The following PTPRT variants were observed in gnomAD, a reference collection of about 807,000 sequenced individuals.
PTPRT encodes receptor-type tyrosine-protein phosphatase T.
Under a neutral mutation model 176.8 loss-of-function variants are expected in PTPRT, and 56 were observed. That is an observed-to-expected ratio of 0.32 (90% CI 0.26 to 0.40). The LOEUF (loss-of-function observed/expected upper bound fraction) is 0.40, where lower values mean the gene tolerates loss of function less well. Ranked by LOEUF, PTPRT falls within the 10% of genes least tolerant of loss-of-function variation. PTPRT has a pLI of 1.00. For missense variants in PTPRT, 1,540 were observed against 1,908.2 expected (o/e 0.81, Z 3.60); for synonymous variants, 783 against 739.0 (o/e 1.06, Z -0.96).
chr20:42,883,885 A>C (rs75733527), intron 2 of PTPRT, among the ~76,000 whole-genome samples: 2,104 of 14,582 alleles, frequency 0.14, no homozygotes, highest in African/African-American at 0.16. Context: ...CACATACACC[A>C]ATACACCCCC....
intron 1 of PTPRT, among the ~76,000 whole-genome samples, chr20:42,993,223 C>A (rs1984021145): frequency 6.6e-6 from 1 of 151,558 alleles, no homozygotes; most frequent in Admixed American, 6.6e-5. Flanking sequence ...CTGAGACCAG[C>A]CTGGCTAACA....
At chr20:43,105,021 T>C (rs750568016) in intron 1 of PTPRT, among the ~76,000 whole-genome samples, 1 of 152,108 alleles carries the variant, frequency 6.6e-6, no homozygotes, top group Non-Finnish European at 1.5e-5. Context: ...AAGGTCCTCT[T>C]ACCAAGAAGA....
At chr20:42,033,412 T>C in the PTPRT span, among the ~76,000 whole-genome samples, 1 of 152,198 alleles carries the variant, frequency 6.6e-6, no homozygotes, top group Non-Finnish European at 1.5e-5. Flanking sequence ...AGGGGCTTAC[T>C]GAAGACTTAC....
At chr20:43,072,610 T>C (rs2011196074) in intron 1 of PTPRT, among the ~76,000 whole-genome samples, 2 of 152,238 alleles carry the variant, frequency 1.3e-5, no homozygotes, top group Non-Finnish European at 2.9e-5. Flanking sequence ...AAATTACCCA[T>C]GTAGAAAATT....
rs542352935 is a variant in PTPRT at position 42,890,167 on chromosome 20, C to A, written c.89-4235G>T. Among the ~76,000 whole-genome samples the A allele has an allele frequency of 3.9e-5, 6 of 152,332 alleles. No homozygotes were observed. In the South Asian group the frequency reaches 1.0e-3, roughly 26 times the overall value. ...ATAAATTGATAGCATCACCTAAACA[C>A]ACAATTCAGTAAAAGCTCATTGGGG... On this transcript the variant is annotated intron_variant, in intron 1 of 30. Coordinates refer to ENST00000373187, the MANE Select transcript of PTPRT (RefSeq NM_007050.6).
the PTPRT span, among the ~76,000 whole-genome samples, chr20:42,061,942 A>ATTTTACCTTT: frequency 1.6e-3 from 240 of 152,304 alleles, no homozygotes; most frequent in African/African-American, 5.5e-3. Context: ...ATGCATGTTA[A>ATTTTACCTTT]TTTTACCTTT....
intron 1 of PTPRT, among the ~76,000 whole-genome samples, chr20:42,963,079 A>G (rs1008938940): frequency 6.6e-6 from 1 of 152,176 alleles, no homozygotes; most frequent in Admixed American, 6.5e-5. Flanking sequence ...AGGCACCTGT[A>G]GTTCCAGCTA....
chr20:42,372,418 G>T (rs2058598469), intron 9 of PTPRT, among the ~76,000 whole-genome samples: 1 of 151,576 alleles, frequency 6.6e-6, no homozygotes, highest in South Asian at 2.1e-4. Context: ...TAAGTAGCTG[G>T]GACTATAGGC....
chr20:42,361,157 G>T (rs1414176337), intron 9 of PTPRT, among the ~76,000 whole-genome samples: 5 of 152,112 alleles, frequency 3.3e-5, no homozygotes, highest in African/African-American at 1.2e-4. Flanking sequence ...TTTGTAGAGG[G>T]TCTGTCTGAG....
intron 15 of PTPRT, among the ~76,000 whole-genome samples, chr20:42,232,385 G>A (rs937897885): frequency 1.1e-4 from 17 of 152,156 alleles, no homozygotes; most frequent in East Asian, 3.9e-4. Context: ...AATCACCTGC[G>A]ACCTTGTTAC....
intron 1 of PTPRT, among the ~76,000 whole-genome samples, chr20:42,925,750 T>C (rs1178454083): frequency 6.6e-6 from 1 of 152,162 alleles, no homozygotes; most frequent in Admixed American, 6.5e-5. Context: ...AATCTGCATG[T>C]CTAGCAAGTT....
intron 7 of PTPRT, among the ~76,000 whole-genome samples, chr20:42,579,912 A>G (rs192036657): frequency 0.013 from 1,913 of 152,194 alleles, 41 homozygotes; most frequent in African/African-American, 0.044. Context: ...GTTTAATTAG[A>G]TCCCATTTCT....
chr20:42,967,958 A>G (rs1982398912), intron 1 of PTPRT, among the ~76,000 whole-genome samples: 1 of 152,092 alleles, frequency 6.6e-6, no homozygotes, highest in South Asian at 2.1e-4. Context: ...GTGCTTGTGA[A>G]TTCCTACCAC....
At chr20:42,529,319 C>T (rs546984201) in intron 7 of PTPRT, among the ~76,000 whole-genome samples, 1 of 152,022 alleles carries the variant, frequency 6.6e-6, no homozygotes, top group Non-Finnish European at 1.5e-5. Flanking sequence ...GGGAAGGGCA[C>T]CGTGAGACCA....
the PTPRT span, among the ~76,000 whole-genome samples, chr20:42,046,733 A>G: frequency 1.6e-4 from 25 of 152,204 alleles, no homozygotes; most frequent in East Asian, 4.6e-3. Context: ...AGGCCGAGGA[A>G]GAACACTGCT....
At chr20:43,135,349 T>A (rs969178789) in intron 1 of PTPRT, among the ~76,000 whole-genome samples, 1 of 152,316 alleles carries the variant, frequency 6.6e-6, no homozygotes. Flanking sequence ...TAGAAACATG[T>A]TTCTGACAGA....
chr20:42,943,431 G>GC (rs1980689252), intron 1 of PTPRT, among the ~76,000 whole-genome samples: 1 of 152,180 alleles, frequency 6.6e-6, no homozygotes, highest in East Asian at 1.9e-4. Context: ...GTGCAGGGAA[G>GC]CTTGACCTAA....
chr20:42,743,374 A>AG (rs1349684041), intron 6 of PTPRT, among the ~76,000 whole-genome samples: 2 of 152,146 alleles, frequency 1.3e-5, no homozygotes, highest in African/African-American at 4.8e-5. Flanking sequence ...CATATGGGTT[A>AG]GGGGGGAAAA....
At chr20:42,083,243 G>A (rs947931040) in intron 29 of PTPRT, among the ~76,000 whole-genome samples, 3 of 152,190 alleles carry the variant, frequency 2.0e-5, no homozygotes, top group South Asian at 4.2e-4. Flanking sequence ...AAAAGGAAGA[G>A]GTGAGTAGAC....
Sources: allele counts gnomAD v4.1 joint callset (sites outside exome capture counted in the v4.1 genomes callset), GRCh38; gene constraint gnomAD v4.1.1; transcripts MANE v1.5; gene names NCBI Gene and HGNC (gene_info 2026-07-23, HGNC 2026-07-21).